Variants in GSG1L observed in about 807,000 individuals in gnomAD.
GSG1L encodes GSG1 like.
Under a neutral mutation model 42.1 loss-of-function variants are expected in GSG1L, and 24 were observed. The ratio of observed to expected loss-of-function variants is 0.57; its 90% confidence interval spans 0.41 to 0.80. The LOEUF is 0.80. Among genes scored for constraint, GSG1L ranks in the 30% least tolerant of loss-of-function variants. The pLI is 0.00. For synonymous variants in GSG1L, 215 were observed against 203.5 expected, an observed-to-expected ratio of 1.06 and a Z score of -0.48; for missense variants, 445 against 472.2, an observed-to-expected ratio of 0.94 and a Z score of 0.53.
rs757150876 is a variant in GSG1L at position 27,963,153 on chromosome 16, C to G, written c.397+3G>C. 2 of 1,613,046 alleles carry G rather than the reference C, an allele frequency of 1.2e-6. No individual in the cohort carries two copies. The highest frequency in any genetic ancestry group is 2.7e-5 in the African/African-American group (2 of 74,926). ...GCCACAGCTCAGCTGGGGTCACACTCACCTTTCTCCGATGCCGGGGCCAGG... is the reference window on the plus strand; with the variant it reads ...GCCACAGCTCAGCTGGGGTCACACTGACCTTTCTCCGATGCCGGGGCCAGG... On this transcript the variant is annotated splice_donor_region_variant and intron_variant, in intron 2 of 6. Transcript: ENST00000447459.
chr16:27,972,746 C>T (rs889559535), intron 1 of GSG1L, among the ~76,000 whole-genome samples: 2 of 152,174 alleles, frequency 1.3e-5, no homozygotes, highest in Non-Finnish European at 2.9e-5. Context: ...CAGGCCCCAC[C>T]CACAACGATT....
At chr16:27,893,981 G>C (rs569064110) in intron 2 of GSG1L, among the ~76,000 whole-genome samples, 10 of 152,302 alleles carry the variant, frequency 6.6e-5, no homozygotes, top group Non-Finnish European at 1.3e-4. Flanking sequence ...TCAAACTCCT[G>C]GCTTCAAGTT....
Position 28,059,924 on chromosome 16 carries a change from A to T in GSG1L, c.349+3152T>A, listed in dbSNP as rs577107483. ...ACACTGTAGATTTTTAGTGTGGGAA[A>T]AAGGGCTTATTACATTTCCCTGTGG... is the stretch of plus-strand genomic sequence containing the variant. On this transcript the variant is annotated intron_variant, in intron 1 of 6. Transcript: ENST00000447459. This position sits in a 1 kb window ranked among gnomAD's most constrained non-coding sequence, Gnocchi z 4.4. 1.8e-4 allele frequency among the ~76,000 whole-genome samples: 28 copies of T among 152,274 alleles called. No individual in the cohort carries two copies. Among genetic ancestry groups the T allele is most frequent in the Admixed American group, 1.8e-3 (27 of 15,294 alleles).
chr16:27,870,451 C>G (rs35087574), intron 3 of GSG1L, among the ~76,000 whole-genome samples: 17,922 of 151,172 alleles, frequency 0.12, 1,468 homozygotes, highest in Admixed American at 0.23. Flanking sequence ...CTCTCTCTCT[C>G]TGTGTTCTTT....
At chr16:27,997,857 T>A (rs1447105925) in intron 1 of GSG1L, among the ~76,000 whole-genome samples, 2 of 25,428 alleles carry the variant, frequency 7.9e-5, no homozygotes, top group Non-Finnish European at 1.0e-4. Context: ...CCCTCTCCAC[T>A]TTTTTTTTTT....
At chr16:27,846,335 G>A (rs2083443418) in intron 3 of GSG1L, among the ~76,000 whole-genome samples, 1 of 152,146 alleles carries the variant, frequency 6.6e-6, no homozygotes, top group South Asian at 2.1e-4. Context: ...GCTCAGAAGG[G>A]TGTTGACCCC....
Position 27,985,887 on chromosome 16 carries a change from C to T in GSG1L, c.350-22684G>A, listed in dbSNP as rs77520835. On this transcript the variant is annotated intron_variant, in intron 1 of 6. Transcript: ENST00000447459. ...TTCATTATAACAACACAGACTAACA[C>T]GACTCCTTGAGGAACACAGGAAAAG... Among the ~76,000 whole-genome samples the T allele has an allele frequency of 3.9e-3, 599 of 152,228 alleles. 6 individuals are homozygous for T. Among genetic ancestry groups the T allele is most frequent in the African/African-American group, 0.014 (569 of 41,536 alleles).
chr16:27,964,758 G>T (rs1345282964), intron 1 of GSG1L, among the ~76,000 whole-genome samples: 1 of 152,150 alleles, frequency 6.6e-6, no homozygotes, highest in Non-Finnish European at 1.5e-5. Flanking sequence ...GTAGAAGGAT[G>T]GTTACCAGAG....
chr16:28,003,640 G>C (rs1471108614), intron 1 of GSG1L, among the ~76,000 whole-genome samples: 2 of 152,224 alleles, frequency 1.3e-5, no homozygotes, highest in African/African-American at 4.8e-5. Flanking sequence ...AGCTCCCAGA[G>C]GAGAAGAACT....
chr16:27,975,029 A>C (rs1408735865), intron 1 of GSG1L, among the ~76,000 whole-genome samples: 1 of 152,086 alleles, frequency 6.6e-6, no homozygotes, highest in Non-Finnish European at 1.5e-5. Context: ...CAGGAGCTGA[A>C]TTCACACTTA....
chr16:27,855,913 C>T (rs1274042914), intron 3 of GSG1L, among the ~76,000 whole-genome samples: 1 of 151,886 alleles, frequency 6.6e-6, no homozygotes, highest in African/African-American at 2.4e-5. Context: ...TCAGGGAAGG[C>T]TTCCCTGAGG....
chr16:27,912,626 T>C (rs549630519), intron 2 of GSG1L, among the ~76,000 whole-genome samples: 3 of 152,326 alleles, frequency 2.0e-5, no homozygotes, highest in East Asian at 1.9e-4. Flanking sequence ...AGTATGAAGA[T>C]AGCAAACGCT....
chr16:27,801,562 A>G (rs538233868), intron 6 of GSG1L, among the ~76,000 whole-genome samples: 3 of 152,314 alleles, frequency 2.0e-5, no homozygotes, highest in Admixed American at 1.3e-4. Context: ...TTCTTGGCTG[A>G]AAACCCACTA....
intron 3 of GSG1L, among the ~76,000 whole-genome samples, chr16:27,845,870 T>A (rs2083437049): frequency 6.6e-6 from 1 of 152,210 alleles, no homozygotes; most frequent in Admixed American, 6.5e-5. Flanking sequence ...TAATCTTGTC[T>A]GTTGCATAGA....
chr16:27,904,380 T>A (rs942266816), intron 2 of GSG1L, among the ~76,000 whole-genome samples: 1 of 152,178 alleles, frequency 6.6e-6, no homozygotes, highest in African/African-American at 2.4e-5. Flanking sequence ...TTCTAAGTTT[T>A]GCCTAAATGT....
intron 1 of GSG1L, among the ~76,000 whole-genome samples, chr16:27,974,886 G>A (rs1345835844): frequency 2.6e-5 from 4 of 152,120 alleles, no homozygotes; most frequent in East Asian, 3.9e-4. Context: ...ACTGAAGACC[G>A]ACGAGTGAAG....
chr16:28,013,357 G>T (rs2085746013), intron 1 of GSG1L, among the ~76,000 whole-genome samples: 1 of 151,010 alleles, frequency 6.6e-6, no homozygotes, highest in Non-Finnish European at 1.5e-5. Context: ...GAGCTGGCGA[G>T]CAGAGGGAGG....
At chr16:27,948,091 C>G (rs995884475) in intron 2 of GSG1L, among the ~76,000 whole-genome samples, 5 of 152,276 alleles carry the variant, frequency 3.3e-5, no homozygotes, top group Admixed American at 6.5e-5. Context: ...CTCCTTACCC[C>G]CCTTGCTGGG....
rs554225331 is a variant in GSG1L, at chr16:27,819,653, G to T, written c.830+9136C>A. 3.9e-5 allele frequency among the ~76,000 whole-genome samples: 6 copies of T among 152,344 alleles called. 1 individual carries two copies. The East Asian group carries it at 1.2e-3, about 29-fold the overall frequency. On this transcript the variant is annotated intron_variant, in intron 5 of 6. Transcript: ENST00000447459. ...CGGAACATGGCCGGGCTGGGGAGCT[G>T]TGTATGATCAGGAGATGCTGCATGC...
Sources: allele counts gnomAD v4.1 joint callset (sites outside exome capture counted in the v4.1 genomes callset), GRCh38; gene constraint gnomAD v4.1.1; non-coding constraint Gnocchi (gnomAD v3.1); transcripts MANE v1.5; gene names NCBI Gene and HGNC (gene_info 2026-07-23, HGNC 2026-07-21).